The following CDK14 variants were observed in gnomAD, a reference collection of about 807,000 sequenced individuals.
CDK14 encodes the protein cyclin-dependent kinase 14.
In CDK14, 34 loss-of-function variants were observed where a neutral mutation model predicts 60.7. The observed-to-expected ratio is 0.56, with a 90% CI of 0.43 to 0.75. CDK14 has a LOEUF of 0.75. CDK14 is among the 30% of genes least tolerant of loss of function. CDK14 has a pLI of 0.00. For missense variants in CDK14, 482 were observed against 564.1 expected, an observed-to-expected ratio of 0.85 and a Z score of 1.47; for synonymous variants, 197 against 203.7, an observed-to-expected ratio of 0.97 and a Z score of 0.28.
intron 8 of CDK14, among the ~76,000 whole-genome samples, chr7:90,940,257 C>G (rs1435097338): frequency 6.6e-6 from 1 of 151,874 alleles, no homozygotes; most frequent in Non-Finnish European, 1.5e-5. Flanking sequence ...TAGAATCACA[C>G]ATTTTTTACA....
chr7:91,198,092 C>T (rs1802605417), intron 14 of CDK14, among the ~76,000 whole-genome samples: 1 of 152,202 alleles, frequency 6.6e-6, no homozygotes, highest in Non-Finnish European at 1.5e-5. Flanking sequence ...TGTCTGCAGA[C>T]ATTTCCTGGT....
intron 10 of CDK14, among the ~76,000 whole-genome samples, chr7:91,002,524 A>C (rs987739741): frequency 1.3e-5 from 2 of 152,220 alleles, no homozygotes; most frequent in African/African-American, 2.4e-5. Context: ...CCTAGTATGA[A>C]CTGCCTTTTA....
chr7:90,664,585 T>C (rs1584778711), intron 2 of CDK14, among the ~76,000 whole-genome samples: 2 of 152,134 alleles, frequency 1.3e-5, no homozygotes, highest in East Asian at 1.9e-4. Flanking sequence ...ATGGCACATA[T>C]ACACCATGGA....
chr7:90,793,646 G>A (rs934574268), intron 5 of CDK14, among the ~76,000 whole-genome samples: 2 of 152,162 alleles, frequency 1.3e-5, no homozygotes, highest in African/African-American at 4.8e-5. Flanking sequence ...CATGGAAGTG[G>A]CTTTTGTCAT....
intron 11 of CDK14, among the ~76,000 whole-genome samples, chr7:91,059,707 G>C (rs1451825378): frequency 6.6e-6 from 1 of 152,174 alleles, no homozygotes; most frequent in East Asian, 1.9e-4. Context: ...CCATGTAGTT[G>C]AGCGGTTTTG....
chr7:90,821,902 C>A (rs1256230702), intron 5 of CDK14, among the ~76,000 whole-genome samples: 1 of 152,218 alleles, frequency 6.6e-6, no homozygotes, highest in Non-Finnish European at 1.5e-5. Context: ...GAGACCCCTG[C>A]CCACTCATTG....
intron 2 of CDK14, among the ~76,000 whole-genome samples, chr7:90,625,172 C>T (rs1265682208): frequency 6.6e-6 from 1 of 151,922 alleles, no homozygotes; most frequent in Non-Finnish European, 1.5e-5. Flanking sequence ...GACCCCAGTT[C>T]TAAAAAATAA....
intron 11 of CDK14, among the ~76,000 whole-genome samples, chr7:91,061,781 C>A (rs1344219009): frequency 3.3e-5 from 5 of 152,124 alleles, no homozygotes; most frequent in African/African-American, 4.8e-5. Flanking sequence ...AGAGGAGTAC[C>A]CGGCCTTGTG....
chr7:91,154,050 G>C (rs2115702772), intron 14 of CDK14, among the ~76,000 whole-genome samples: 1 of 152,148 alleles, frequency 6.6e-6, no homozygotes, highest in South Asian at 2.1e-4. Context: ...TTTTGCAAAA[G>C]CATGAAAATA....
intron 2 of CDK14, among the ~76,000 whole-genome samples, chr7:90,612,438 C>T (rs1799560346): frequency 6.6e-6 from 1 of 152,086 alleles, no homozygotes; most frequent in East Asian, 1.9e-4. Flanking sequence ...TCTTACAGGG[C>T]TGGGCCTGGG....
chr7:90,823,494 C>T (rs562896919), intron 5 of CDK14, among the ~76,000 whole-genome samples: 31 of 152,128 alleles, frequency 2.0e-4, no homozygotes, highest in Non-Finnish European at 3.4e-4. Flanking sequence ...CAAAGGCTTC[C>T]GGCACAGAGA....
chr7:90,923,140 GCT>G (rs1205793093), intron 8 of CDK14, among the ~76,000 whole-genome samples: 2 of 115,808 alleles, frequency 1.7e-5, no homozygotes, highest in Non-Finnish European at 3.3e-5. Context: ...ATGGAGTCTT[GCT>G]CTGTCACCCA....
chr7:91,066,738 A>G (rs1440532162), intron 11 of CDK14, among the ~76,000 whole-genome samples: 1 of 152,182 alleles, frequency 6.6e-6, no homozygotes, highest in Non-Finnish European at 1.5e-5. Context: ...TGGAATGTCA[A>G]CGAATTGCAG....
chr7:91,073,753 A>C (rs538913989), intron 11 of CDK14, among the ~76,000 whole-genome samples: 82 of 151,414 alleles, frequency 5.4e-4, no homozygotes, highest in Non-Finnish European at 7.8e-4. Context: ...TACCCACGAG[A>C]CCCATCTCAT....
intron 2 of CDK14, among the ~76,000 whole-genome samples, chr7:90,615,769 C>A (rs1280971947): frequency 6.6e-6 from 1 of 152,008 alleles, no homozygotes; most frequent in East Asian, 1.9e-4. Context: ...GAGATTGCAC[C>A]AGTTCTATAA....
At chr7:90,872,813 G>C (rs1301575624) in intron 6 of CDK14, among the ~76,000 whole-genome samples, 5 of 152,118 alleles carry the variant, frequency 3.3e-5, no homozygotes, top group Non-Finnish European at 4.4e-5. Flanking sequence ...GTAAATGCCT[G>C]CCTATCCACA....
Position 90,790,611 on chromosome 7 carries a change from T to C in CDK14, c.503T>C (p.Leu168Pro). The change falls in exon 5 of 15, where the codon CTG (leucine) becomes CCG (proline). Residue 168 changes from leucine to proline, a missense_variant. Leu to Pro is a moderately conservative substitution (Grantham distance 98, BLOSUM62 -3). Coordinates refer to ENST00000380050, the MANE Select transcript of CDK14 (RefSeq NM_001287135.2). ...TTGGTAGCTCTGAAGGTGATCAGGCTGCAGGAAGAAGAAGGGACACCTTTC... is the reference window on the plus strand; with the variant it reads ...TTGGTAGCTCTGAAGGTGATCAGGCCGCAGGAAGAAGAAGGGACACCTTTC... ...GKLVALKVIR[L>P]QEEEGTPFTA... is the part of the protein sequence containing the mutation. 6.2e-7 allele frequency: 1 copy of C among 1,613,020 alleles called. No homozygotes were observed. Among genetic ancestry groups the C allele is most frequent in the Non-Finnish European group, 8.5e-7 (1 of 1,179,272 alleles).
chr7:90,619,991 C>T (rs184362673), intron 2 of CDK14, among the ~76,000 whole-genome samples: 4 of 151,942 alleles, frequency 2.6e-5, no homozygotes, highest in East Asian at 1.9e-4. Context: ...GCAAGACTCT[C>T]GAAACAACAA....
At chr7:90,733,496 G>A (rs1204281854) in intron 3 of CDK14, among the ~76,000 whole-genome samples, 2 of 152,128 alleles carry the variant, frequency 1.3e-5, no homozygotes, top group Admixed American at 6.5e-5. Flanking sequence ...TATGAATCAG[G>A]GTGCTCCTGT....
Sources: allele counts gnomAD v4.1 joint callset (sites outside exome capture counted in the v4.1 genomes callset), GRCh38; gene constraint gnomAD v4.1.1; transcripts MANE v1.5; gene names NCBI Gene and HGNC (gene_info 2026-07-23, HGNC 2026-07-21).